The following LRFN5 variants were observed in gnomAD, a reference collection of about 807,000 sequenced individuals.
The protein encoded by LRFN5 is leucine-rich repeat and fibronectin type-III domain-containing protein 5.
LRFN5 carries 24 observed loss-of-function variants against 45.6 expected under a neutral mutation model. That is an observed-to-expected ratio of 0.53 (90% CI 0.38 to 0.74). LRFN5 has a LOEUF of 0.74. Among genes scored for constraint, LRFN5 ranks in the 30% least tolerant of loss-of-function variants. The pLI is 0.00. For missense variants in LRFN5, 776 were observed against 861.5 expected (o/e 0.90, Z 1.24); for synonymous variants, 340 against 313.8 (o/e 1.08, Z -0.88).
At chr14:41,809,813 G>GTAAAAATACTATC (rs1222002269) in intron 2 of LRFN5, among the ~76,000 whole-genome samples, 8 of 151,876 alleles carry the variant, frequency 5.3e-5, no homozygotes, top group Admixed American at 1.3e-4. Flanking sequence ...TTTATTTAGT[G>GTAAAAATACTATC]TAAAAATACT....
chr14:41,668,716 A>G (rs1881024670), intron 1 of LRFN5, among the ~76,000 whole-genome samples: 1 of 152,110 alleles, frequency 6.6e-6, no homozygotes. Flanking sequence ...TCTGTATTAG[A>G]ATTAGTAAGT....
intron 2 of LRFN5, among the ~76,000 whole-genome samples, chr14:41,780,063 A>G (rs1322501049): frequency 2.6e-5 from 4 of 151,814 alleles, no homozygotes; most frequent in Admixed American, 6.6e-5. Flanking sequence ...TTTTTCTAAT[A>G]TATGTATTCT....
intron 2 of LRFN5, among the ~76,000 whole-genome samples, chr14:41,826,824 G>A (rs184611397): frequency 1.3e-5 from 2 of 148,938 alleles, no homozygotes; most frequent in Admixed American, 6.7e-5. Context: ...ATGATATGTT[G>A]TAAGAATTGT....
At chr14:41,696,158 G>T (rs541051105) in intron 1 of LRFN5, among the ~76,000 whole-genome samples, 6 of 151,886 alleles carry the variant, frequency 4.0e-5, no homozygotes, top group African/African-American at 1.4e-4. Context: ...AAAAATAGAA[G>T]TGGAGCCTGA....
At chr14:41,792,915 G>T (rs1886979529) in intron 2 of LRFN5, among the ~76,000 whole-genome samples, 1 of 149,222 alleles carries the variant, frequency 6.7e-6, no homozygotes, top group Admixed American at 6.8e-5. Context: ...TTTGTACACT[G>T]CATATTCTCA....
At chr14:41,834,192 A>G (rs1293631063) in intron 2 of LRFN5, among the ~76,000 whole-genome samples, 1 of 152,202 alleles carries the variant, frequency 6.6e-6, no homozygotes. Flanking sequence ...GCATTCAGGG[A>G]ACCTCAGTAT....
intron 5 of LRFN5, among the ~76,000 whole-genome samples, chr14:41,901,068 C>G (rs1202666269): frequency 6.6e-6 from 1 of 151,790 alleles, no homozygotes. Context: ...TTTTAGAAGC[C>G]TTTAGGAATG....
chr14:41,900,290 A>G (rs561753107), intron 5 of LRFN5, among the ~76,000 whole-genome samples: 1 of 152,202 alleles, frequency 6.6e-6, no homozygotes, highest in Non-Finnish European at 1.5e-5. Flanking sequence ...GTTTTCAATT[A>G]CCAATTTAAA....
intron 1 of LRFN5, among the ~76,000 whole-genome samples, chr14:41,674,951 T>C (rs1292034861): frequency 6.7e-6 from 1 of 148,510 alleles, no homozygotes; most frequent in Non-Finnish European, 1.5e-5. Context: ...GAGGCGCTCC[T>C]CACATCCCAG....
At chr14:41,828,236 T>C (rs1888362409) in intron 2 of LRFN5, among the ~76,000 whole-genome samples, 1 of 152,014 alleles carries the variant, frequency 6.6e-6, no homozygotes, top group South Asian at 2.1e-4. Flanking sequence ...TACAACTTCT[T>C]CTTAAGTTAT....
rs59438733 is a variant in LRFN5, at chr14:41,775,093, C to CTTTTTTTTTTTTTT, written c.-21+8066_-21+8079dup. ...AGATTTGATGCTACTTTTTCTTTTT[C>CTTTTTTTTTTTTTT]TTTTTTTTTTTTTTTGAGACGGAGT... On this transcript the variant is annotated intron_variant, in intron 2 of 5. Transcript: ENST00000298119. Among the ~76,000 whole-genome samples, 433 of 112,454 alleles carry CTTTTTTTTTTTTTT rather than the reference C, an allele frequency of 3.9e-3. 12 individuals carry two copies. The highest frequency in any genetic ancestry group is 7.8e-3 in the East Asian group (23 of 2,952). 73.8% of individuals were successfully genotyped at this position (112,454 alleles called of 152,430 possible).
At chr14:41,775,756 C>G (rs1037794541) in intron 2 of LRFN5, among the ~76,000 whole-genome samples, 1 of 152,066 alleles carries the variant, frequency 6.6e-6, no homozygotes, top group African/African-American at 2.4e-5. Flanking sequence ...TGAGAACCCT[C>G]TCGTTATAAA....
chr14:41,613,108 C>A (rs939483339), intron 1 of LRFN5, among the ~76,000 whole-genome samples: 1 of 152,024 alleles, frequency 6.6e-6, no homozygotes, highest in African/African-American at 2.4e-5. Context: ...TCCAAGTAAA[C>A]CACATGAAAA....
chr14:41,822,523 A>T (rs1191619104), intron 2 of LRFN5, among the ~76,000 whole-genome samples: 1 of 152,014 alleles, frequency 6.6e-6, no homozygotes, highest in African/African-American at 2.4e-5. Flanking sequence ...AGTTGATATG[A>T]TTTTTATTTT....
chr14:41,787,929 C>T (rs370042691), intron 2 of LRFN5, among the ~76,000 whole-genome samples: 23 of 152,008 alleles, frequency 1.5e-4, no homozygotes, highest in African/African-American at 5.1e-4. Flanking sequence ...AGTGGGCCCT[C>T]CCAATGGAAT....
chr14:41,873,398 G>T (rs1167147063), intron 2 of LRFN5, among the ~76,000 whole-genome samples: 1 of 141,984 alleles, frequency 7.0e-6, no homozygotes, highest in African/African-American at 2.6e-5. Flanking sequence ...GAGAAAGAGA[G>T]AGGAGAAAGA....
At chr14:41,732,751 C>A (rs1444689488) in intron 1 of LRFN5, among the ~76,000 whole-genome samples, 1 of 150,734 alleles carries the variant, frequency 6.6e-6, no homozygotes, top group Non-Finnish European at 1.5e-5. Context: ...AAAAAATTAA[C>A]CAACAGAATT....
At chr14:41,875,436 C>CTAG (rs1890154698) in intron 2 of LRFN5, among the ~76,000 whole-genome samples, 1 of 152,226 alleles carries the variant, frequency 6.6e-6, no homozygotes, top group Non-Finnish European at 1.5e-5. Flanking sequence ...TTCACAGTTC[C>CTAG]TAGTAGTATT....
chr14:41,859,570 C>T (rs1477795825), intron 2 of LRFN5, among the ~76,000 whole-genome samples: 1 of 152,120 alleles, frequency 6.6e-6, no homozygotes, highest in Non-Finnish European at 1.5e-5. Flanking sequence ...AAGCTTTCAG[C>T]GGTCACTGTG....
Sources: allele counts gnomAD v4.1 joint callset (sites outside exome capture counted in the v4.1 genomes callset), GRCh38; gene constraint gnomAD v4.1.1; transcripts MANE v1.5; gene names NCBI Gene and HGNC (gene_info 2026-07-23, HGNC 2026-07-21).